MAP3K21: variants seen among roughly 807,000 people sequenced by gnomAD.
MAP3K21 encodes mitogen-activated protein kinase kinase kinase 21.
MAP3K21 carries 63 observed loss-of-function variants against 86.1 expected under a neutral mutation model. The observed-to-expected ratio is 0.73, with a 90% CI of 0.60 to 0.90. MAP3K21 has a LOEUF of 0.90. MAP3K21 is among the 40% of genes least tolerant of loss of function. The pLI, the probability that MAP3K21 is intolerant of heterozygous loss-of-function variation, is 0.00. For synonymous variants in MAP3K21, 558 were observed against 564.8 expected (o/e 0.99, Z 0.17); for missense variants, 1,220 against 1,367.7 (o/e 0.89, Z 1.70).
Position 233,327,964 on chromosome 1 carries a change from C to T in MAP3K21, c.-65C>T. On this transcript the variant is annotated 5_prime_UTR_variant, in exon 1 of 10. Transcript: ENST00000366624. ...GACGGCCACACCGCCGGACGATGCG[C>T]GCCCGCGGCCGCCCGGGAGGCTGAG... The T allele has an allele frequency of 8.2e-7, 1 of 1,214,002 alleles. No homozygotes were observed. The highest frequency in any genetic ancestry group is 3.8e-5 in the South Asian group (1 of 26,560). 75.2% of individuals were successfully genotyped at this position (1,214,002 alleles called of 1,614,324 possible). A position where few individuals can be genotyped will look rare whatever the true frequency, so the allele number is the denominator to read the frequency against.
chr1:233,376,167 T>C, intron 7 of MAP3K21, 101 bp downstream of exon 7: 1 of 975,820 alleles, frequency 1.0e-6, no homozygotes, highest in Non-Finnish European at 1.5e-6. Flanking sequence ...AGTAAATTAA[T>C]AGAGAGATTT....
chr1:233,378,840 T>TTA (rs1163917854), intron 8 of MAP3K21, 91 bp from the exon 9 acceptor site: 158 of 897,082 alleles, frequency 1.8e-4, no homozygotes, highest in Non-Finnish European at 3.7e-5. Flanking sequence ...AAATATGTAT[T>TTA]TATTATATTT....
intron 1 of MAP3K21, among the ~76,000 whole-genome samples, chr1:233,340,959 C>T (rs1159480822): frequency 6.6e-6 from 1 of 152,060 alleles, no homozygotes; most frequent in Non-Finnish European, 1.5e-5. Flanking sequence ...TAAAAATATA[C>T]ATTATATACT....
chr1:233,366,903 T>C (rs951848586), intron 5 of MAP3K21, among the ~76,000 whole-genome samples: 1 of 152,206 alleles, frequency 6.6e-6, no homozygotes, highest in Non-Finnish European at 1.5e-5. Context: ...GGAAGATTAA[T>C]GCTTAAAAAG....
intron 1 of MAP3K21, among the ~76,000 whole-genome samples, chr1:233,333,247 C>T (rs775835745): frequency 6.6e-6 from 1 of 152,296 alleles, no homozygotes; most frequent in East Asian, 1.9e-4. Flanking sequence ...CTCTTCTGTT[C>T]TTATACTCAG....
intron 2 of MAP3K21, among the ~76,000 whole-genome samples, chr1:233,351,193 A>G (rs1316764860): frequency 6.6e-6 from 1 of 152,170 alleles, no homozygotes; most frequent in Non-Finnish European, 1.5e-5. Context: ...TATAATATAG[A>G]TGATTTTTAA....
At chr1:233,353,669 C>A (rs1295506735) in intron 2 of MAP3K21, 138 bp from the exon 3 acceptor site, 1 of 718,948 alleles carries the variant, frequency 1.4e-6, no homozygotes. Flanking sequence ...CTTGGGATGT[C>A]AGCCATTTAG....
intron 4 of MAP3K21, among the ~76,000 whole-genome samples, chr1:233,357,774 G>A (rs1663391780): frequency 6.6e-6 from 1 of 152,220 alleles, no homozygotes; most frequent in African/African-American, 2.4e-5. Flanking sequence ...TTTCAAGTAG[G>A]GAGAGAAGAA....
At chr1:233,370,902 C>T (rs1215298969) in intron 5 of MAP3K21, among the ~76,000 whole-genome samples, 1 of 152,206 alleles carries the variant, frequency 6.6e-6, no homozygotes, top group South Asian at 2.1e-4. Flanking sequence ...TCTGCTCTTA[C>T]CTAGTTATAA....
intron 2 of MAP3K21, among the ~76,000 whole-genome samples, chr1:233,350,791 C>T (rs986479915): frequency 7.2e-5 from 11 of 152,174 alleles, no homozygotes; most frequent in African/African-American, 2.4e-4. Context: ...CCATGACTCC[C>T]GACTCACAGC....
chr1:233,380,823 A>G (rs1172953959), intron 9 of MAP3K21, among the ~76,000 whole-genome samples: 1 of 152,206 alleles, frequency 6.6e-6, no homozygotes, highest in African/African-American at 2.4e-5. Flanking sequence ...ATTAGGAAGT[A>G]GTGGTGTCAG....
At position 233,376,960 on chromosome 1, in the gene MAP3K21, T is replaced by TG. The variant is rs1663810136; in HGVS notation, c.1924+435dup. Among the ~76,000 whole-genome samples, 4 of 152,268 alleles carry TG rather than the reference T, an allele frequency of 2.6e-5. No individual in the cohort carries two copies. In the South Asian group the frequency reaches 8.3e-4, roughly 32 times the overall value. On this transcript the variant is annotated intron_variant, in intron 8 of 9. Transcript: ENST00000366624. ...AAAACACAAAAACTAGCCGGCATGGTGGTGCTTGCTTGTAATCCCAGCTAC... is the reference window on the plus strand; with the variant it reads ...AAAACACAAAAACTAGCCGGCATGGTGGGTGCTTGCTTGTAATCCCAGCTAC...
At chr1:233,343,480 T>G (rs1489211882) in intron 1 of MAP3K21, among the ~76,000 whole-genome samples, 3 of 152,076 alleles carry the variant, frequency 2.0e-5, no homozygotes, top group Admixed American at 2.0e-4. Context: ...ATGCATTTCC[T>G]CACCACTCTA....
intron 1 of MAP3K21, among the ~76,000 whole-genome samples, chr1:233,334,293 C>T (rs969372853): frequency 6.6e-6 from 1 of 151,958 alleles, no homozygotes; most frequent in Admixed American, 6.6e-5. Flanking sequence ...GTAAGAGACA[C>T]CACCTCTGGC....
chr1:233,333,598 A>T (rs1222574185), intron 1 of MAP3K21, among the ~76,000 whole-genome samples: 2 of 7,172 alleles, frequency 2.8e-4, no homozygotes, highest in Non-Finnish European at 7.2e-4. Flanking sequence ...TATTAAAATT[A>T]AAAAAAAAAA....
chr1:233,329,187 C>A (rs560044532), intron 1 of MAP3K21, among the ~76,000 whole-genome samples: 128 of 152,244 alleles, frequency 8.4e-4, no homozygotes, highest in Non-Finnish European at 1.6e-3. Context: ...CAAACCGAGG[C>A]CTTCTGCAGA....
At chr1:233,342,411 T>C (rs909683093) in intron 1 of MAP3K21, among the ~76,000 whole-genome samples, 1 of 152,200 alleles carries the variant, frequency 6.6e-6, no homozygotes, top group Non-Finnish European at 1.5e-5. Context: ...AGAGGGTTGG[T>C]AAATGGTGGG....
chr1:233,334,217 G>T (rs1346145364), intron 1 of MAP3K21, among the ~76,000 whole-genome samples: 1 of 148,054 alleles, frequency 6.8e-6, no homozygotes, highest in African/African-American at 2.5e-5. Flanking sequence ...GCCCAGGCTG[G>T]TCTCAAACTC....
chr1:233,346,310 A>T, intron 1 of MAP3K21, 132 bp from the exon 2 acceptor site: 1 of 679,384 alleles, frequency 1.5e-6, no homozygotes, highest in Non-Finnish European at 2.4e-6. Context: ...CTGTAAGTAA[A>T]ATGGTAAAAT....
Sources: allele counts gnomAD v4.1 joint callset (sites outside exome capture counted in the v4.1 genomes callset), GRCh38; gene constraint gnomAD v4.1.1; transcripts MANE v1.5; gene names NCBI Gene and HGNC (gene_info 2026-07-23, HGNC 2026-07-21).